LRCH2: variants seen among roughly 807,000 people sequenced by gnomAD.
The protein encoded by LRCH2 is leucine rich repeats and calponin homology domain containing 2.
In LRCH2, 38 loss-of-function variants were observed where a neutral mutation model predicts 68.9. The ratio of observed to expected loss-of-function variants is 0.55; its 90% CI spans 0.43 to 0.72. The LOEUF (loss-of-function observed/expected upper bound fraction) is 0.72, where lower values mean the gene tolerates loss of function less well. Ranked by LOEUF, LRCH2 falls within the 30% of genes least tolerant of loss-of-function variation. The pLI, the probability that LRCH2 is intolerant of heterozygous loss-of-function variation, is 0.00. For synonymous variants in LRCH2, 191 were observed against 208.1 expected (o/e 0.92, Z 0.71); for missense variants, 528 against 572.9 (o/e 0.92, Z 0.80).
At chrX:115,226,064 A>C (rs183265791) in intron 1 of LRCH2, among the ~76,000 whole-genome samples, 1 of 111,612 alleles carries the variant, frequency 9.0e-6, no homozygotes, top group African/African-American at 3.3e-5. Flanking sequence ...GTATATACAC[A>C]AGAGAAATCC....
In LRCH2 at chrX:115,147,313, G is replaced by C. The variant is rs782080864; in HGVS notation, c.1695+2514C>G. Among the ~76,000 whole-genome samples, 12 of 111,326 alleles carry C rather than the reference G, an allele frequency of 1.1e-4. No homozygotes were observed. In the East Asian group the frequency reaches 3.4e-3, roughly 32 times the overall value. On this transcript the variant is annotated intron_variant, in intron 14 of 20. Transcript: ENST00000317135. ...AAAATAGTGACAATTCTGAATAATA[G>C]TGTTGATTTAATTTAGGAAACTGTA...
At chrX:115,198,613 TG>T in intron 1 of LRCH2, 1 of 161,861 alleles carries the variant, frequency 6.2e-6, no homozygotes, top group Non-Finnish European at 1.4e-5. Flanking sequence ...ATGGAGTTAC[TG>T]AAGGTCTCCA....
intron 1 of LRCH2, chrX:115,189,933 G>A: frequency 2.6e-6 from 3 of 1,158,496 alleles, no homozygotes; most frequent in Non-Finnish European, 3.5e-6. Context: ...CCCACAAGAG[G>A]GCCACGCCGT....
intron 14 of LRCH2, among the ~76,000 whole-genome samples, chrX:115,148,922 T>C (rs2072410239): frequency 1.8e-5 from 2 of 111,742 alleles, no homozygotes; most frequent in Non-Finnish European, 3.8e-5. Flanking sequence ...CACCCATATA[T>C]AGAAACAAAC....
chrX:115,222,231 C>A lies in LRCH2; in HGVS notation c.349+11462G>T, dbSNP rs12556233. On this transcript the variant is annotated intron_variant, in intron 1 of 20. Coordinates refer to ENST00000317135, the MANE Select transcript of LRCH2 (RefSeq NM_020871.4). The stretch of plus-strand genomic sequence containing the variant: ...TTTCATGATAAAAACATTTGAAAAG[C>A]CAGGTATAGAAGGGAATTTCTTCCA... Among the ~76,000 whole-genome samples, 188 of 111,720 alleles carry A rather than the reference C, an allele frequency of 1.7e-3. 1 individual carries two copies. In the Middle Eastern group the frequency reaches 0.024, roughly 14 times the overall value.
At chrX:115,186,772 A>T (rs982640786) in intron 2 of LRCH2, among the ~76,000 whole-genome samples, 10 of 108,542 alleles carry the variant, frequency 9.2e-5, no homozygotes, top group Non-Finnish European at 1.7e-4. Context: ...GAAAGGAGCA[A>T]CCCAAATGAT....
At position 115,190,911 on chromosome X, in the gene LRCH2, C is replaced by T. The variant is rs1228893798; in HGVS notation, c.350-2541G>A. ...ACAGTGGAGGCTGCTCGCCCGAGGC[C>T]TACAGTGGGGGCCACGACAATTCCA... On this transcript the variant is annotated intron_variant, in intron 1 of 20. Transcript: ENST00000317135. 7 of 1,166,046 alleles carry T rather than the reference C, an allele frequency of 6.0e-6. No homozygotes were observed. In the East Asian group the frequency reaches 2.3e-4, roughly 38 times the overall value.
intron 5 of LRCH2, among the ~76,000 whole-genome samples, chrX:115,175,452 C>T (rs1347555529): frequency 9.0e-6 from 1 of 111,659 alleles, no homozygotes; most frequent in African/African-American, 3.3e-5. Context: ...GGAACAAACG[C>T]TACAACAGAG....
chrX:115,134,385 G>A (rs1486892894), intron 14 of LRCH2, among the ~76,000 whole-genome samples: 1 of 112,618 alleles, frequency 8.9e-6, no homozygotes, highest in African/African-American at 3.2e-5. Flanking sequence ...AATTTTCTAT[G>A]TAGACAAAAT....
At chrX:115,197,781 C>T (rs1301874082) in intron 1 of LRCH2, among the ~76,000 whole-genome samples, 6 of 100,910 alleles carry the variant, frequency 5.9e-5, no homozygotes, top group African/African-American at 1.8e-4. Flanking sequence ...CTCTCACTCT[C>T]GCTCTCTACT....
chrX:115,168,047 G>C (rs1556546083), intron 6 of LRCH2, among the ~76,000 whole-genome samples: 1 of 111,694 alleles, frequency 9.0e-6, no homozygotes, highest in Non-Finnish European at 1.9e-5. Flanking sequence ...TTACATATGA[G>C]AAAACTGAGG....
chrX:115,206,127 T>C (rs1427167266), intron 1 of LRCH2, among the ~76,000 whole-genome samples: 1 of 112,147 alleles, frequency 8.9e-6, no homozygotes, highest in African/African-American at 3.2e-5. Flanking sequence ...AAAAGATTAT[T>C]TAGTTAAATT....
At chrX:115,161,116 GCCGAGGCGGGTGGAA>G (rs76673064) in intron 11 of LRCH2, among the ~76,000 whole-genome samples, 11,578 of 111,607 alleles carry the variant, frequency 0.1, 603 homozygotes, top group Non-Finnish European at 0.16. Context: ...ACTTTGGAAG[GCCGAGGCGGGTGGAA>G]CCCCTGAGGC....
chrX:115,225,611 A>G (rs2073113463), intron 1 of LRCH2, among the ~76,000 whole-genome samples: 1 of 112,189 alleles, frequency 8.9e-6, no homozygotes, highest in Non-Finnish European at 1.9e-5. Context: ...TGGCTGTATT[A>G]AAATTTACAA....
intron 6 of LRCH2, among the ~76,000 whole-genome samples, chrX:115,168,371 C>T (rs1198443994): frequency 9.0e-6 from 1 of 111,428 alleles, no homozygotes; most frequent in African/African-American, 3.3e-5. Flanking sequence ...ATACGGTAAG[C>T]AGCCAGTAGC....
chrX:115,192,194 G>T (rs1556560938), intron 1 of LRCH2: 1 of 1,164,785 alleles, frequency 8.6e-7, no homozygotes, highest in African/African-American at 1.8e-5. Flanking sequence ...GAATACCAAG[G>T]CCGCTCGCCC....
chrX:115,212,431 G>A (rs1044512349), intron 1 of LRCH2, among the ~76,000 whole-genome samples: 1 of 112,047 alleles, frequency 8.9e-6, no homozygotes, highest in Non-Finnish European at 1.9e-5. Context: ...CTTTTGCTTT[G>A]GAGAGAAATA....
At chrX:115,144,445 C>A (rs1421328048) in intron 14 of LRCH2, among the ~76,000 whole-genome samples, 3 of 109,425 alleles carry the variant, frequency 2.7e-5, no homozygotes, top group Non-Finnish European at 5.7e-5. Flanking sequence ...ACTAGGAGTC[C>A]CACCTAGAGC....
intron 1 of LRCH2, among the ~76,000 whole-genome samples, chrX:115,219,419 GA>G (rs10577002): frequency 1.4e-3 from 148 of 107,387 alleles, no homozygotes; most frequent in African/African-American, 1.9e-3. Flanking sequence ...CCACAAACTG[GA>G]AAAAAAAAAA....
Sources: allele counts gnomAD v4.1 joint callset (sites outside exome capture counted in the v4.1 genomes callset), GRCh38; gene constraint gnomAD v4.1.1; transcripts MANE v1.5; gene names NCBI Gene and HGNC (gene_info 2026-07-23, HGNC 2026-07-21).